MYO3A: variants seen among roughly 807,000 people sequenced by gnomAD.
The protein encoded by MYO3A is myosin IIIA.
A neutral mutation model predicts 192.7 loss-of-function variants in MYO3A; 180 were observed. The ratio of observed to expected loss-of-function variants is 0.93; its 90% confidence interval spans 0.83 to 1.06. The LOEUF is 1.06. Among genes scored for constraint, MYO3A ranks in the 50% least tolerant of loss-of-function variants. MYO3A has a pLI of 0.00. For synonymous variants in MYO3A, 628 were observed against 645.3 expected (o/e 0.97, Z 0.41); for missense variants, 1,896 against 1,905.0 (o/e 1.00, Z 0.09).
chr10:26,098,073 C>T (rs1313701412), intron 17 of MYO3A, among the ~76,000 whole-genome samples: 1 of 152,186 alleles, frequency 6.6e-6, no homozygotes, highest in Admixed American at 6.5e-5. Flanking sequence ...TCCTCTCCAG[C>T]ACCTGTTGTT....
At chr10:26,192,789 G>T (rs1279748297) in intron 31 of MYO3A, among the ~76,000 whole-genome samples, 2 of 151,904 alleles carry the variant, frequency 1.3e-5, no homozygotes, top group Non-Finnish European at 2.9e-5. Flanking sequence ...AAGTAGCTGG[G>T]ATTACGGGTG....
At chr10:26,055,898 A>C (rs1844286679) in intron 10 of MYO3A, among the ~76,000 whole-genome samples, 1 of 152,320 alleles carries the variant, frequency 6.6e-6, no homozygotes, top group Middle Eastern at 3.4e-3. Flanking sequence ...ATGAATTAAC[A>C]CCTATTTATT....
At chr10:26,208,685 C>T (rs76182704) in intron 34 of MYO3A, among the ~76,000 whole-genome samples, 11 of 152,286 alleles carry the variant, frequency 7.2e-5, no homozygotes, top group African/African-American at 2.6e-4. Context: ...TGACCTTCCC[C>T]GTCAAGTATC....
rs59025321 is a variant in MYO3A at position 26,179,089 on chromosome 10, A to ATTTTTTTTTT, written c.4438+2261_4438+2270dup. 1.5e-4 allele frequency among the ~76,000 whole-genome samples: 10 copies of ATTTTTTTTTT among 66,136 alleles called. 2 individuals are homozygous for ATTTTTTTTTT. Among genetic ancestry groups the ATTTTTTTTTT allele is most frequent in the Admixed American group, 4.5e-4 (2 of 4,466 alleles). 43.4% of individuals were successfully genotyped at this position (66,136 alleles called of 152,430 possible). ...CTGGGATTACACCGTGCCCAGCCTAATTTTTTTTTTTTTTTTTTTTTTTTT... is the reference window on the plus strand; with the variant it reads ...CTGGGATTACACCGTGCCCAGCCTAATTTTTTTTTTTTTTTTTTTTTTTTTTTTTTTTTTT... On this transcript the variant is annotated intron_variant, in intron 31 of 34. Coordinates refer to ENST00000642920, the MANE Select transcript of MYO3A (RefSeq NM_017433.5).
intron 34 of MYO3A, 31 bp from the exon 35 acceptor site, chr10:26,211,812 T>A (rs771132770): frequency 6.2e-7 from 1 of 1,613,532 alleles, no homozygotes; most frequent in Non-Finnish European, 8.5e-7. Flanking sequence ...TGTGGTGAGG[T>A]TGACACTTGG....
At chr10:25,975,095 C>A (rs954431657) in intron 4 of MYO3A, among the ~76,000 whole-genome samples, 2 of 152,024 alleles carry the variant, frequency 1.3e-5, no homozygotes, top group Non-Finnish European at 2.9e-5. Context: ...TATACATATT[C>A]ATGAAGGGGA....
intron 4 of MYO3A, among the ~76,000 whole-genome samples, chr10:25,961,985 G>A (rs75697099): frequency 1.6e-3 from 237 of 152,220 alleles, no homozygotes; most frequent in African/African-American, 5.5e-3. Flanking sequence ...CATACAGAAG[G>A]TGAGTACTGG....
At chr10:26,007,753 A>C (rs547191515) in intron 6 of MYO3A, among the ~76,000 whole-genome samples, 24 of 150,780 alleles carry the variant, frequency 1.6e-4, no homozygotes, top group South Asian at 6.2e-4. Context: ...AAATGGAAGA[A>C]CATTCCATGC....
chr10:26,046,852 C>T (rs1430481032), intron 10 of MYO3A, among the ~76,000 whole-genome samples: 1 of 152,154 alleles, frequency 6.6e-6, no homozygotes, highest in African/African-American at 2.4e-5. Context: ...TTCTTTGGTA[C>T]CTTTAGCATC....
At chr10:25,978,038 G>A (rs1335026732) in intron 4 of MYO3A, among the ~76,000 whole-genome samples, 1 of 151,982 alleles carries the variant, frequency 6.6e-6, no homozygotes, top group Admixed American at 6.6e-5. Context: ...TATAGCAAAC[G>A]ATGTAGTAGA....
At chr10:26,100,945 T>C (rs371898143) in intron 17 of MYO3A, among the ~76,000 whole-genome samples, 1 of 152,206 alleles carries the variant, frequency 6.6e-6, no homozygotes, top group East Asian at 1.9e-4. Context: ...AATTCCTGGA[T>C]ATCCTTTTTA....
intron 30 of MYO3A, among the ~76,000 whole-genome samples, chr10:26,174,966 A>G (rs1336407591): frequency 1.3e-5 from 2 of 152,212 alleles, no homozygotes; most frequent in African/African-American, 4.8e-5. Context: ...ATAATTAGGT[A>G]TCAGATTTTG....
chr10:26,044,557 G>C (rs1007156137), intron 10 of MYO3A, among the ~76,000 whole-genome samples: 1 of 152,212 alleles, frequency 6.6e-6, no homozygotes, highest in Non-Finnish European at 1.5e-5. Flanking sequence ...GCAGTGATAA[G>C]ATGGGTTGGC....
intron 31 of MYO3A, among the ~76,000 whole-genome samples, chr10:26,182,437 T>C (rs919049671): frequency 6.6e-6 from 1 of 152,200 alleles, no homozygotes; most frequent in African/African-American, 2.4e-5. Context: ...CTCATCTTGA[T>C]AGGAACCAAA....
intron 10 of MYO3A, among the ~76,000 whole-genome samples, chr10:26,035,090 GTCCA>G (rs1336240043): frequency 6.6e-6 from 1 of 152,126 alleles, no homozygotes; most frequent in Non-Finnish European, 1.5e-5. Context: ...TGGTAGCTGT[GTCCA>G]TCCAAGATGG....
At chr10:26,128,052 T>G (rs1471293741) in intron 19 of MYO3A, among the ~76,000 whole-genome samples, 1 of 152,184 alleles carries the variant, frequency 6.6e-6, no homozygotes, top group Non-Finnish European at 1.5e-5. Context: ...TGCTGTGTTC[T>G]AATTGCTTCC....
Position 26,104,114 on chromosome 10 carries a change from CAAA to C in MYO3A, c.1776+7444_1776+7446del, listed in dbSNP as rs74639975. ...AGCCCCTTATCAGATGTCTGATTTGCAAAAAAAAAAAAAATTATAGTATTTGTT... is the reference window on the plus strand; with the variant it reads ...AGCCCCTTATCAGATGTCTGATTTGCAAAAAAAAAAATTATAGTATTTGTT... On this transcript the variant is annotated intron_variant, in intron 17 of 34. Transcript: ENST00000642920. Among the ~76,000 whole-genome samples the C allele has an allele frequency of 2.7e-3, 387 of 144,514 alleles. 1 individual carries two copies. In the Middle Eastern group the frequency reaches 0.029, roughly 11 times the overall value. The allele number at this position is 144,514 out of a possible 152,430, so 94.8% of individuals were successfully genotyped here. A position where few individuals can be genotyped will look rare whatever the true frequency, so the allele number is the denominator to read the frequency against.
At chr10:26,046,121 C>T (rs992769692) in intron 10 of MYO3A, among the ~76,000 whole-genome samples, 4 of 152,084 alleles carry the variant, frequency 2.6e-5, no homozygotes, top group Non-Finnish European at 4.4e-5. Flanking sequence ...CCCAAGGAGA[C>T]GGTCATGGGA....
intron 21 of MYO3A, among the ~76,000 whole-genome samples, chr10:26,143,826 T>C (rs1840305536): frequency 6.6e-6 from 1 of 152,238 alleles, no homozygotes; most frequent in Admixed American, 6.5e-5. Flanking sequence ...ATTGGACTTC[T>C]CCTTATTTTG....
Sources: allele counts gnomAD v4.1 joint callset (sites outside exome capture counted in the v4.1 genomes callset), GRCh38; gene constraint gnomAD v4.1.1; transcripts MANE v1.5; gene names NCBI Gene and HGNC (gene_info 2026-07-23, HGNC 2026-07-21).